The following RTN4RL1 variants were observed in gnomAD, a reference collection of about 807,000 sequenced individuals.
RTN4RL1 encodes the protein reticulon 4 receptor like 1, also known as reticulon-4 receptor-like 1.
RTN4RL1 carries 7 observed loss-of-function variants against 25.6 expected under a neutral mutation model. The observed-to-expected ratio is 0.27, with a 90% CI of 0.16 to 0.51. The LOEUF (loss-of-function observed/expected upper bound fraction) is 0.51, where lower values mean the gene tolerates loss of function less well. Ranked by LOEUF, RTN4RL1 falls within the 20% of genes least tolerant of loss-of-function variation. The pLI is 0.97. For synonymous variants in RTN4RL1, 297 were observed against 288.2 expected (o/e 1.03, Z -0.31); for missense variants, 500 against 615.6 (o/e 0.81, Z 1.99).
At position 1,992,869 on chromosome 17, in the gene RTN4RL1, A is replaced by G. The variant is rs113746612; in HGVS notation, c.13+31984T>C. Among the ~76,000 whole-genome samples the G allele has an allele frequency of 8.2e-3, 1,244 of 152,232 alleles. 22 individuals carry two copies. Among genetic ancestry groups the G allele is most frequent in the African/African-American group, 0.028 (1,183 of 41,536 alleles). On this transcript the variant is annotated intron_variant, in intron 1 of 1. Transcript: ENST00000331238. Reference sequence around the variant, plus strand: ...TGCCACAGCACACAGTCAGCATTTCACCCTGACACATGACTCTCTTATGAC... The same window carrying G: ...TGCCACAGCACACAGTCAGCATTTCGCCCTGACACATGACTCTCTTATGAC...
intron 1 of RTN4RL1, among the ~76,000 whole-genome samples, chr17:1,959,944 G>C (rs1032546398): frequency 6.6e-6 from 1 of 152,136 alleles, no homozygotes; most frequent in African/African-American, 2.4e-5. Context: ...CAGTCCACCC[G>C]CCTGCCCGCC....
At chr17:2,006,157 A>G (rs1221743595) in intron 1 of RTN4RL1, among the ~76,000 whole-genome samples, 1 of 138,316 alleles carries the variant, frequency 7.2e-6, no homozygotes, top group East Asian at 2.1e-4. Context: ...GGAGGTTTGC[A>G]ATTTTTTTTT....
At chr17:2,012,384 C>A (rs780799276) in intron 1 of RTN4RL1, among the ~76,000 whole-genome samples, 1 of 152,222 alleles carries the variant, frequency 6.6e-6, no homozygotes, top group African/African-American at 2.4e-5. Context: ...AGGCCCTGCC[C>A]AAGCTACTGA....
At chr17:2,021,769 G>A (rs2067207881) in intron 1 of RTN4RL1, among the ~76,000 whole-genome samples, 1 of 150,656 alleles carries the variant, frequency 6.6e-6, no homozygotes, top group Non-Finnish European at 1.5e-5. Flanking sequence ...TGGCCAGGCT[G>A]GTCTCGAACT....
chr17:1,950,189 G>A (rs908122900), intron 1 of RTN4RL1, among the ~76,000 whole-genome samples: 1 of 152,184 alleles, frequency 6.6e-6, no homozygotes, highest in Admixed American at 6.5e-5. Context: ...GCCTGTGGCC[G>A]TGAGAGACCT....
chr17:1,987,972 G>A (rs2066893978), intron 1 of RTN4RL1, among the ~76,000 whole-genome samples: 1 of 151,924 alleles, frequency 6.6e-6, no homozygotes. Context: ...CGGGTGTGGT[G>A]GCACACACCT....
chr17:2,001,054 CTTT>C (rs541156399), intron 1 of RTN4RL1, among the ~76,000 whole-genome samples: 1 of 144,346 alleles, frequency 6.9e-6, no homozygotes, highest in Non-Finnish European at 1.5e-5. Context: ...TTTTCATTTA[CTTT>C]TTTTTTTTTT....
At chr17:1,990,488 C>T (rs2066904251) in intron 1 of RTN4RL1, among the ~76,000 whole-genome samples, 1 of 152,102 alleles carries the variant, frequency 6.6e-6, no homozygotes, top group Non-Finnish European at 1.5e-5. Flanking sequence ...ATGGCTTGAG[C>T]TCAGGAGTTC....
chr17:1,995,429 A>T (rs2066925241), intron 1 of RTN4RL1, among the ~76,000 whole-genome samples: 1 of 150,110 alleles, frequency 6.7e-6, no homozygotes, highest in Admixed American at 6.6e-5. Context: ...TCTGTCTCAA[A>T]AAAAAAAAAA....
At chr17:1,971,475 G>A (rs944824414) in intron 1 of RTN4RL1, among the ~76,000 whole-genome samples, 1 of 152,158 alleles carries the variant, frequency 6.6e-6, no homozygotes, top group Non-Finnish European at 1.5e-5. Context: ...GCCTCAAAGA[G>A]GTGAAGGAAT....
At chr17:1,968,563 A>G (rs1221527899) in intron 1 of RTN4RL1, among the ~76,000 whole-genome samples, 3 of 152,196 alleles carry the variant, frequency 2.0e-5, no homozygotes, top group African/African-American at 7.2e-5. Context: ...CTCGAAGCCA[A>G]CACTCATCTG....
At chr17:2,019,620 C>T (rs2151330824) in intron 1 of RTN4RL1, 1 of 152,466 alleles carries the variant, frequency 6.6e-6, no homozygotes, top group East Asian at 1.9e-4. Flanking sequence ...GGCCAAGAAG[C>T]TCTCCTGGCA....
intron 1 of RTN4RL1, among the ~76,000 whole-genome samples, chr17:1,992,897 G>A (rs1451886915): frequency 6.6e-6 from 1 of 152,176 alleles, no homozygotes; most frequent in East Asian, 1.9e-4. Flanking sequence ...CTTATGACCT[G>A]CTTTCTCTTT....
At chr17:1,946,269 C>A (rs150332337) in intron 1 of RTN4RL1, among the ~76,000 whole-genome samples, 13 of 152,354 alleles carry the variant, frequency 8.5e-5, no homozygotes, top group Non-Finnish European at 1.5e-5. Context: ...AAGCCTGTGC[C>A]TCCCTCAACA....
chr17:2,009,524 G>A (rs894538550), intron 1 of RTN4RL1, among the ~76,000 whole-genome samples: 1 of 121,552 alleles, frequency 8.2e-6, no homozygotes, highest in Admixed American at 8.8e-5. Context: ...GCCAGGAGGT[G>A]GAGGTTGCAA....
Position 1,936,967 on chromosome 17 carries a change from A to G in RTN4RL1, c.855T>C (p.Pro285=), listed in dbSNP as rs2151303517. The G allele has an allele frequency of 6.2e-7, 1 of 1,608,040 alleles. No individual in the cohort carries two copies. Among genetic ancestry groups the G allele is most frequent in the Non-Finnish European group, 8.5e-7 (1 of 1,178,810 alleles). The stretch of plus-strand genomic sequence containing the variant: ...TCAGGTCCTGGCCGTGCCGCAGCCC[A>G]GGGGACACACAGGGGACAGCGGAGC... The part of the protein sequence containing the change: ...GSSSAVPCVS[P]GLRHGQDLKL... Residue 285 remains proline (P), a synonymous_variant, in exon 2 of 2, where the codon CCT becomes CCC. Transcript: ENST00000331238.
intron 1 of RTN4RL1, among the ~76,000 whole-genome samples, chr17:1,965,154 A>G (rs2066785043): frequency 7.0e-6 from 1 of 142,284 alleles, no homozygotes; most frequent in South Asian, 2.3e-4. Context: ...TTGTTGCCCA[A>G]GCTGGAGTGC....
intron 1 of RTN4RL1, among the ~76,000 whole-genome samples, chr17:1,970,857 C>G (rs2066815504): frequency 6.6e-6 from 1 of 152,168 alleles, no homozygotes; most frequent in Non-Finnish European, 1.5e-5. Flanking sequence ...TGGTGCTTAA[C>G]ATTTTTTGAA....
intron 1 of RTN4RL1, among the ~76,000 whole-genome samples, chr17:2,013,161 T>A (rs1312423042): frequency 6.6e-6 from 1 of 152,046 alleles, no homozygotes; most frequent in African/African-American, 2.4e-5. Context: ...ATTTTCAGAT[T>A]GAGTAATTTG....
Sources: gnomAD v4.1 joint callset for allele counts (sites outside exome capture counted in the v4.1 genomes callset) on GRCh38, gnomAD v4.1.1 for gene constraint, MANE v1.5 for transcripts, NCBI Gene and HGNC (gene_info 2026-07-23, HGNC 2026-07-21) for gene names.